The following ADGRG4 variants were observed in gnomAD, a reference collection of about 807,000 sequenced individuals.
ADGRG4 encodes the protein adhesion G protein-coupled receptor G4.
A neutral mutation model predicts 126.2 loss-of-function variants in ADGRG4; 122 were observed. The observed-to-expected ratio is 0.97, with a 90% CI of 0.83 to 1.12. The LOEUF is 1.12. ADGRG4 is among the 50% of genes most tolerant of loss of function. ADGRG4 has a pLI of 0.00. For synonymous variants in ADGRG4, 943 were observed against 838.7 expected (o/e 1.12, Z -2.15); for missense variants, 2,481 against 2,251.8 (o/e 1.10, Z -2.06).
chrX:136,357,320 G>A (rs371016809), intron 9 of ADGRG4, among the ~76,000 whole-genome samples: 12 of 111,890 alleles, frequency 1.1e-4, no homozygotes, highest in African/African-American at 3.9e-4. Flanking sequence ...TCTATGTTAA[G>A]TGTTTAACAC....
chrX:136,307,084 G>C (rs918198316), intron 3 of ADGRG4, among the ~76,000 whole-genome samples: 2 of 112,007 alleles, frequency 1.8e-5, no homozygotes, highest in Admixed American at 9.5e-5. Context: ...TGGGCACCAG[G>C]TAAGTTTCTG....
In ADGRG4 at chrX:136,345,149, T is replaced by C; in HGVS notation, c.1443T>C (p.Asp481=). The change falls in exon 6 of 26, where the codon GAT becomes GAC. Residue 481 remains aspartate, a synonymous_variant. Transcript: ENST00000394143. The stretch of plus-strand genomic sequence containing the variant: ...TCATCTCCACAGCTGCTCCAGTAGA[T>C]TCTGTATTTCCTAGAAACCAGACAG... ...PVLISTAAPV[D]SVFPRNQTAF... The C allele has an allele frequency of 8.3e-7, 1 of 1,211,266 alleles. No homozygotes were observed. The highest frequency in any genetic ancestry group is 1.1e-6 in the Non-Finnish European group (1 of 895,073).
intron 15 of ADGRG4, among the ~76,000 whole-genome samples, chrX:136,385,898 A>G (rs949815376): frequency 2.7e-5 from 3 of 111,620 alleles, no homozygotes; most frequent in African/African-American, 9.8e-5. Context: ...CAGAATTTAT[A>G]CTCAGAATTT....
intron 13 of ADGRG4, among the ~76,000 whole-genome samples, chrX:136,366,476 C>T (rs1206594552): frequency 8.9e-6 from 1 of 112,482 alleles, no homozygotes; most frequent in Admixed American, 9.4e-5. Context: ...GCTCTAACTA[C>T]GAATACAGCT....
intron 4 of ADGRG4, among the ~76,000 whole-genome samples, chrX:136,311,358 C>A (rs1354413186): frequency 9.4e-6 from 1 of 106,845 alleles, no homozygotes; most frequent in Non-Finnish European, 1.9e-5. Context: ...AGACATAGGG[C>A]TATAGTAGTT....
At chrX:136,391,504 G>T (rs1481062126) in intron 16 of ADGRG4, among the ~76,000 whole-genome samples, 1 of 112,482 alleles carries the variant, frequency 8.9e-6, no homozygotes, top group Non-Finnish European at 1.9e-5. Flanking sequence ...CTAGCTGAGT[G>T]ATCTTTATCC....
At chrX:136,401,967 C>T (rs931356249) in intron 21 of ADGRG4, among the ~76,000 whole-genome samples, 3 of 111,837 alleles carry the variant, frequency 2.7e-5, no homozygotes, top group Admixed American at 9.4e-5. Flanking sequence ...GCCTGCACAC[C>T]GCCCAAATTC....
At chrX:136,371,307 G>A in intron 13 of ADGRG4, 21 bp from the exon 14 acceptor site, 1 of 1,075,834 alleles carries the variant, frequency 9.3e-7, no homozygotes, top group Non-Finnish European at 1.3e-6. Flanking sequence ...CAGCTTTTAT[G>A]TCTCAACTTT....
intron 5 of ADGRG4, among the ~76,000 whole-genome samples, chrX:136,340,329 T>G (rs2074972008): frequency 9.0e-6 from 1 of 111,561 alleles, no homozygotes; most frequent in African/African-American, 3.3e-5. Flanking sequence ...GGATCCTGAT[T>G]CTAAAAAGCT....
Position 136,347,284 on chromosome X carries a change from G to C in ADGRG4, c.3578G>C (p.Gly1193Ala). The change falls in exon 6 of 26, where the codon GGT (glycine) becomes GCT (alanine). Residue 1193 changes from glycine (G) to alanine (A), a missense_variant. Transcript: ENST00000394143. ...CTCAGCTTCCCATATACTTTCAGTG[G>C]TGGTGGAGTTGTTGCCAGCTTGGCT... ...YALSFPYTFS[G>A]GGVVASLATG... is the part of the protein sequence containing the mutation. 1.7e-6 allele frequency: 2 copies of C among 1,211,256 alleles called. No homozygotes were observed. The highest frequency in any genetic ancestry group is 2.2e-6 in the Non-Finnish European group (2 of 895,199).
At chrX:136,326,539 A>G (rs2074874414) in intron 5 of ADGRG4, among the ~76,000 whole-genome samples, 1 of 111,269 alleles carries the variant, frequency 9.0e-6, no homozygotes, top group Non-Finnish European at 1.9e-5. Flanking sequence ...TGGCCCCCAA[A>G]ATGTTATGCT....
At chrX:136,383,189 G>A (rs1183413116) in intron 15 of ADGRG4, among the ~76,000 whole-genome samples, 1 of 112,195 alleles carries the variant, frequency 8.9e-6, no homozygotes, top group Non-Finnish European at 1.9e-5. Context: ...TGCCAGCAGT[G>A]TTGTTCCAAT....
At chrX:136,327,470 T>TAATAATAATAAA (rs1297296867) in intron 5 of ADGRG4, among the ~76,000 whole-genome samples, 1 of 106,207 alleles carries the variant, frequency 9.4e-6, no homozygotes, top group Non-Finnish European at 1.9e-5. Context: ...AATAAAATAA[T>TAATAATAATAAA]AATAATAATA....
At chrX:136,404,344 A>AAGCAAAATCAG (rs2075394197) in intron 22 of ADGRG4, among the ~76,000 whole-genome samples, 1 of 111,612 alleles carries the variant, frequency 9.0e-6, no homozygotes, top group Admixed American at 9.5e-5. Flanking sequence ...GCAAGAGCAA[A>AAGCAAAATCAG]AGCAAAATCA....
intron 5 of ADGRG4, among the ~76,000 whole-genome samples, chrX:136,343,522 C>T (rs763508564): frequency 7.1e-4 from 79 of 110,945 alleles, no homozygotes; most frequent in Non-Finnish European, 1.4e-3. Flanking sequence ...TGGGACAAAG[C>T]GTTGGTCAGG....
chrX:136,309,875 C>G (rs778532920), intron 4 of ADGRG4, among the ~76,000 whole-genome samples: 4 of 111,928 alleles, frequency 3.6e-5, no homozygotes, highest in African/African-American at 1.3e-4. Context: ...CCTTGACACA[C>G]AGTTTAGGCA....
intron 5 of ADGRG4, among the ~76,000 whole-genome samples, chrX:136,328,674 G>T (rs1023811476): frequency 8.9e-6 from 1 of 111,838 alleles, no homozygotes; most frequent in African/African-American, 3.2e-5. Context: ...TTTATGAATT[G>T]ACTATTCTTA....
chrX:136,350,205 A>G lies in ADGRG4; in HGVS notation c.6499A>G (p.Thr2167Ala), dbSNP rs778766181. Residue 2167 changes from threonine to alanine, a missense_variant, in exon 6 of 26, where the codon ACT becomes GCT. By Grantham distance (58) the Thr-to-Ala change is moderately conservative. Coordinates refer to ENST00000394143, the MANE Select transcript of ADGRG4 (RefSeq NM_153834.4). Reference protein sequence around the residue: ...NRIPTASSPSTLIIPKPTLDS... With the variant: ...NRIPTASSPSALIIPKPTLDS... ...AATTCCAACTGCATCATCACCCTCT[A>G]CTTTAATTATTCCTAAGCCCACACT... The G allele has an allele frequency of 1.7e-6, 2 of 1,208,338 alleles. No individual in the cohort carries two copies. The highest frequency in any genetic ancestry group is 3.5e-5 in the South Asian group (2 of 56,897).
At position 136,387,938 on chromosome X, in the gene ADGRG4, T is replaced by A. The variant is rs1021498007; in HGVS notation, c.7911+64T>A. 3 of 1,019,024 alleles carry A rather than the reference T, an allele frequency of 2.9e-6. No individual in the cohort carries two copies. In the Admixed American group the frequency reaches 8.0e-5, roughly 27 times the overall value. 84.0% of individuals were successfully genotyped at this position (1,019,024 alleles called of 1,213,427 possible). A position where few individuals can be genotyped will look rare whatever the true frequency, so the allele number is the denominator to read the frequency against. On this transcript the variant is annotated intron_variant, in intron 16 of 25. Transcript: ENST00000394143. ...ATGGTGACTCATTGTAATTATGAACTCTTGCTATTTTCATGATGTTCTGCT... is the reference window on the plus strand; with the variant it reads ...ATGGTGACTCATTGTAATTATGAACACTTGCTATTTTCATGATGTTCTGCT...
Sources: gnomAD v4.1 joint callset for allele counts (sites outside exome capture counted in the v4.1 genomes callset) on GRCh38, gnomAD v4.1.1 for gene constraint, MANE v1.5 for transcripts, NCBI Gene and HGNC (gene_info 2026-07-23, HGNC 2026-07-21) for gene names.